Variants in DUSP15 observed in about 807,000 individuals in gnomAD.
DUSP15 encodes the protein dual specificity phosphatase 15, also known as dual specificity protein phosphatase 15.
DUSP15 carries 23 observed loss-of-function variants against 26.3 expected under a neutral mutation model. The observed-to-expected ratio is 0.87, with a 90% confidence interval of 0.63 to 1.24. DUSP15 has a LOEUF of 1.24. Ranked by LOEUF, DUSP15 falls within the 50% of genes most tolerant of loss-of-function variation. The pLI, the probability that DUSP15 is intolerant of heterozygous loss-of-function variation, is 0.00. For synonymous variants in DUSP15, 143 were observed against 135.5 expected, an observed-to-expected ratio of 1.06 and a Z score of -0.39; for missense variants, 364 against 320.6, an observed-to-expected ratio of 1.14 and a Z score of -1.03.
At chr20:31,864,752 G>A (rs2062730616) in intron 4 of DUSP15, among the ~76,000 whole-genome samples, 1 of 152,218 alleles carries the variant, frequency 6.6e-6, no homozygotes, top group African/African-American at 2.4e-5. Flanking sequence ...ATGAGACTGA[G>A]GCTCGGGGAG....
intron 6 of DUSP15, among the ~76,000 whole-genome samples, chr20:31,855,299 T>C (rs2062542627): frequency 1.3e-5 from 2 of 152,344 alleles, no homozygotes; most frequent in South Asian, 4.1e-4. Context: ...TTTTTTGCCA[T>C]TCTGCGCACA....
chr20:31,856,557 C>G (rs1391899668), downstream of DUSP15, among the ~76,000 whole-genome samples: 1 of 152,102 alleles, frequency 6.6e-6, no homozygotes, highest in East Asian at 1.9e-4. Context: ...GGAGAGCCAG[C>G]AGGCCTTGGT....
intron 6 of DUSP15, among the ~76,000 whole-genome samples, chr20:31,851,159 ATGT>A (rs1254710014): frequency 1.3e-5 from 2 of 152,150 alleles, no homozygotes; most frequent in African/African-American, 2.4e-5. Flanking sequence ...GTTGATGAAG[ATGT>A]TGTAGGTATT....
At chr20:31,866,890 T>G (rs980716431) in intron 3 of DUSP15, among the ~76,000 whole-genome samples, 181 bp downstream of exon 3, 3 of 152,224 alleles carry the variant, frequency 2.0e-5, no homozygotes, top group Non-Finnish European at 4.4e-5. Flanking sequence ...GTGAGTTAAT[T>G]GACCTCTCTG....
chr20:31,858,431 T>C (rs764411154), downstream of DUSP15, among the ~76,000 whole-genome samples: 1 of 152,216 alleles, frequency 6.6e-6, no homozygotes, highest in Non-Finnish European at 1.5e-5. The surrounding 1 kb of genome is among the most constrained non-coding windows in gnomAD (Gnocchi z 4.4). Context: ...GCCACCTGGA[T>C]GATGCTGGGA....
rs2062639603 is a variant in DUSP15 at position 31,861,163 on chromosome 20, C to G, written c.*240G>C. On this transcript the variant is annotated 3_prime_UTR_variant, in exon 7 of 7. Coordinates refer to ENST00000339738, the MANE Select transcript of DUSP15 (RefSeq NM_080611.5). ...CTCCCGCCGCCTTTAAGGGTGGGCCCCCTCCCCCAGCCCAAGGACTAAGGC... is the reference window on the plus strand; with the variant it reads ...CTCCCGCCGCCTTTAAGGGTGGGCCGCCTCCCCCAGCCCAAGGACTAAGGC... 7.5e-7 allele frequency: 1 copy of G among 1,334,368 alleles called. No individual in the cohort carries two copies. The highest frequency in any genetic ancestry group is 9.5e-7 in the Non-Finnish European group (1 of 1,049,206). The allele number at this position is 1,334,368 out of a possible 1,614,324, so 82.7% of individuals were successfully genotyped here.
Position 31,870,280 on chromosome 20 carries a change from C to A in DUSP15, c.21+37G>T. ...CAGCGCCGGGCCGCGGCGGCCGGGG[C>A]GGGGACCGGGGAGGCTGCGCGGGGC... On this transcript the variant is annotated intron_variant, in intron 1 of 6. Coordinates refer to ENST00000339738, the MANE Select transcript of DUSP15 (RefSeq NM_080611.5). The surrounding 1 kb of genome is among the most constrained non-coding windows in gnomAD (Gnocchi z 6.6). 1 of 1,225,822 alleles carries A rather than the reference C, an allele frequency of 8.2e-7. No homozygotes were observed. Among genetic ancestry groups the A allele is most frequent in the Non-Finnish European group, 1.0e-6 (1 of 984,292 alleles). The allele number at this position is 1,225,822 out of a possible 1,614,324, so 75.9% of individuals were successfully genotyped here.
chr20:31,850,310 A>G (rs989808084), intron 7 of DUSP15, among the ~76,000 whole-genome samples: 1 of 152,228 alleles, frequency 6.6e-6, no homozygotes, highest in Non-Finnish European at 1.5e-5. Context: ...ATTCTAGTCT[A>G]TCACTGCCAC....
downstream of DUSP15, chr20:31,845,622 G>C (rs550780074): frequency 1.9e-5 from 30 of 1,543,242 alleles, no homozygotes; most frequent in South Asian, 3.5e-4. Flanking sequence ...AGCCTGCCCA[G>C]GCTGGTTAAA....
intron 8 of DUSP15, chr20:31,849,030 G>A: frequency 4.1e-6 from 3 of 737,660 alleles, no homozygotes; most frequent in Admixed American, 2.4e-5. Context: ...ATCCCATTGT[G>A]TGCCTGTACC....
intron 2 of DUSP15, among the ~76,000 whole-genome samples, chr20:31,867,629 A>ATGT (rs2062796630): frequency 9.3e-6 from 1 of 107,816 alleles, no homozygotes; most frequent in Admixed American, 1.1e-4. Context: ...GATGCCCACA[A>ATGT]TGTTTTTTTT....
downstream of DUSP15, among the ~76,000 whole-genome samples, chr20:31,856,621 G>T (rs767782279): frequency 3.3e-5 from 5 of 152,268 alleles, no homozygotes; most frequent in Middle Eastern, 3.4e-3. Flanking sequence ...CAGATACCCA[G>T]GTGGCAGAAG....
chr20:31,868,258 C>A (rs2062817286), intron 2 of DUSP15, among the ~76,000 whole-genome samples: 1 of 152,242 alleles, frequency 6.6e-6, no homozygotes, highest in Non-Finnish European at 1.5e-5. Context: ...GGGTTCAGAC[C>A]TTACTTGGCC....
chr20:31,862,627 G>C lies in DUSP15; in HGVS notation c.379C>G (p.Pro127Ala). Reference protein sequence around the residue: ...AIKATRPIANPNPGFRQQLEE... With the variant: ...AIKATRPIANANPGFRQQLEE... ...AGCTGCTGCCTAAAGCCTGGGTTGG[G>C]GTTGGCGATGGGCCTGGTGGCCTTG... The change falls in exon 6 of 7, where the codon CCC (proline) becomes GCC (alanine). Residue 127 changes from proline to alanine, a missense_variant. Pro to Ala is a conservative substitution (Grantham distance 27). Transcript: ENST00000339738. 1 of 1,614,110 alleles carries C rather than the reference G, an allele frequency of 6.2e-7. No homozygotes were observed. The highest frequency in any genetic ancestry group is 8.5e-7 in the Non-Finnish European group (1 of 1,179,996).
At position 31,869,651 on chromosome 20, in the gene DUSP15, C is replaced by T. The variant is rs377297175; in HGVS notation, c.22-54G>A. The T allele has an allele frequency of 2.1e-4, 333 of 1,604,844 alleles. 5 individuals are homozygous for T. The East Asian group carries it at 2.4e-3, about 12-fold the overall frequency. Reference sequence around the variant, plus strand: ...GGGCAGGGGCTGCACCCCCTTCCACCCCCAGGGCAGCTGGGGGGCCCACAG... The same window carrying T: ...GGGCAGGGGCTGCACCCCCTTCCACTCCCAGGGCAGCTGGGGGGCCCACAG... On this transcript the variant is annotated intron_variant, in intron 1 of 6. Transcript: ENST00000339738.
chr20:31,866,866 A>G (rs1333914198), intron 3 of DUSP15, among the ~76,000 whole-genome samples: 2 of 152,160 alleles, frequency 1.3e-5, no homozygotes, highest in Non-Finnish European at 2.9e-5. Flanking sequence ...AGCTTCCTGG[A>G]TGTGTGACCT....
chr20:31,847,803 G>A (rs2123161525), exon 10 of DUSP15: 1 of 152,322 alleles, frequency 6.6e-6, no homozygotes, highest in African/African-American at 2.4e-5. Flanking sequence ...GGCTGCATTT[G>A]GAGGTCCGCC....
At chr20:31,856,424 T>A (rs75357432), downstream of DUSP15, among the ~76,000 whole-genome samples, 443 of 152,106 alleles carry the variant, frequency 2.9e-3, 18 homozygotes, top group East Asian at 0.079. Flanking sequence ...AAGATCCCTC[T>A]TAAGGACTGC....
At chr20:31,849,975 C>T (rs958438502) in intron 7 of DUSP15, 2 of 1,376,406 alleles carry the variant, frequency 1.5e-6, no homozygotes, top group Non-Finnish European at 1.9e-6. Context: ...AGAGGTCGTC[C>T]CAGCCTCTAC....
Sources: allele counts gnomAD v4.1 joint callset (sites outside exome capture counted in the v4.1 genomes callset), GRCh38; gene constraint gnomAD v4.1.1; non-coding constraint Gnocchi (gnomAD v3.1); transcripts MANE v1.5; gene names NCBI Gene and HGNC (gene_info 2026-07-23, HGNC 2026-07-21).